Variants in SYT12 observed in about 807,000 individuals in gnomAD.
The protein encoded by SYT12 is synaptotagmin 12.
Under a neutral mutation model 39.5 loss-of-function variants are expected in SYT12, and 27 were observed. The observed-to-expected ratio is 0.68, with a 90% CI of 0.50 to 0.94. The LOEUF is 0.94. Among genes scored for constraint, SYT12 ranks in the 40% least tolerant of loss-of-function variants. SYT12 has a pLI of 0.00. For synonymous variants in SYT12, 233 were observed against 239.7 expected, an observed-to-expected ratio of 0.97 and a Z score of 0.26; for missense variants, 536 against 572.6, an observed-to-expected ratio of 0.94 and a Z score of 0.65.
Position 67,030,161 on chromosome 11 carries a change from C to T in SYT12, c.17C>T (p.Ala6Val), listed in dbSNP as rs764102965. 9.3e-6 allele frequency: 15 copies of T among 1,613,992 alleles called. No individual in the cohort carries two copies. In the African/African-American group the frequency reaches 1.7e-4, roughly 19 times the overall value. ...GCAGACATCATGGCTGTGGATGTGG[C>T]AGAATACCATCTGAGCGGTGAGTGC... is the stretch of plus-strand genomic sequence containing the variant. Reference protein sequence around the residue: MAVDVAEYHLSVIKSP... With the variant: MAVDVVEYHLSVIKSP... The change falls in exon 2 of 8, where the codon GCA becomes GTA. Residue 6 changes from alanine to valine, a missense_variant. Transcript: ENST00000527043.
chr11:67,035,774 CT>C (rs1234061674), intron 3 of SYT12, among the ~76,000 whole-genome samples: 1 of 147,576 alleles, frequency 6.8e-6, no homozygotes, highest in African/African-American at 2.6e-5. Context: ...TCTTTCTTTT[CT>C]TTTCTTTTCT....
intron 3 of SYT12, among the ~76,000 whole-genome samples, chr11:67,037,891 A>G (rs1178459235): frequency 6.6e-6 from 1 of 150,952 alleles, no homozygotes; most frequent in African/African-American, 2.4e-5. Flanking sequence ...CAGAAAAAAA[A>G]AAAAAGAAAA....
intron 3 of SYT12, among the ~76,000 whole-genome samples, chr11:67,035,458 C>CTTTTTTTTTTTTTTTTTTTTTT (rs1213047598): frequency 1.1e-5 from 1 of 90,238 alleles, no homozygotes; most frequent in Admixed American, 1.1e-4. Context: ...TTTTTCTTTT[C>CTTTTTTTTTTTTTTTTTTTTTT]TTTTTTTTTT....
At position 67,037,609 on chromosome 11, in the gene SYT12, C is replaced by G. The variant is rs577702054; in HGVS notation, c.229-2202C>G. The stretch of plus-strand genomic sequence containing the variant: ...ATAAAATTAGCTAGGTGTGGGTAGG[C>G]ACAGTGCTCATGCCTGTAATCTCAG... On this transcript the variant is annotated intron_variant, in intron 3 of 7. Transcript: ENST00000527043. Among the ~76,000 whole-genome samples, 25 of 151,490 alleles carry G rather than the reference C, an allele frequency of 1.7e-4. 1 individual carries two copies. Among genetic ancestry groups the G allele is most frequent in the Middle Eastern group, 6.8e-3 (2 of 294 alleles).
chr11:67,014,943 A>C (rs1196956951), intron 3 of SYT12, among the ~76,000 whole-genome samples: 5 of 151,776 alleles, frequency 3.3e-5, no homozygotes, highest in Non-Finnish European at 7.4e-5. Context: ...AAAAAAAATT[A>C]TTTTTCACAG....
chr11:67,016,908 C>T (rs1241072529), intron 3 of SYT12, among the ~76,000 whole-genome samples: 2 of 152,172 alleles, frequency 1.3e-5, no homozygotes, highest in Non-Finnish European at 2.9e-5. Context: ...ACAGCACCAG[C>T]GCTGTTGAGG....
In SYT12 at chr11:67,034,712, C is replaced by A; in HGVS notation, c.102C>A (p.Ile34=). Residue 34 remains isoleucine (I), a synonymous_variant, in exon 3 of 8, where the codon ATC becomes ATA. Transcript: ENST00000527043. ...CAGGGGCCCTGGCCCTGCTGGGAAT[C>A]GCAGCTGTGAGCCTGTGGAAGCTCT... ...YAAGALALLG[I]AAVSLWKLWT... is the part of the protein sequence containing the mutation. 3.1e-6 allele frequency: 5 copies of A among 1,602,100 alleles called. No homozygotes were observed. Among genetic ancestry groups the A allele is most frequent in the Non-Finnish European group, 4.3e-6 (5 of 1,175,552 alleles).
intron 3 of SYT12, among the ~76,000 whole-genome samples, chr11:67,037,046 C>A (rs1950395125): frequency 6.6e-6 from 1 of 152,152 alleles, no homozygotes; most frequent in Non-Finnish European, 1.5e-5. Context: ...GCACTCCAAG[C>A]CTGGGCAACA....
chr11:67,040,843 AAAT>A (rs1950500368), intron 4 of SYT12, among the ~76,000 whole-genome samples: 2 of 150,586 alleles, frequency 1.3e-5, no homozygotes, highest in Non-Finnish European at 3.0e-5. Flanking sequence ...GTCTCAAAAT[AAAT>A]AAATAAATAA....
intron 4 of SYT12, among the ~76,000 whole-genome samples, chr11:67,040,655 C>T (rs984417632): frequency 1.2e-4 from 18 of 151,030 alleles, no homozygotes; most frequent in Admixed American, 7.9e-4. Context: ...CTGCCTAACA[C>T]GGTGAAACCC....
intron 1 of SYT12, among the ~76,000 whole-genome samples, chr11:67,025,883 G>A (rs940597231): frequency 3.3e-5 from 5 of 152,070 alleles, no homozygotes; most frequent in African/African-American, 1.2e-4. Flanking sequence ...CACTGCTAAT[G>A]GAAGAGGGGC....
intron 2 of SYT12, chr11:67,030,996 T>TG (rs1950255927): frequency 6.6e-6 from 1 of 152,100 alleles, no homozygotes; most frequent in South Asian, 2.1e-4. Context: ...ACGCAGCCCC[T>TG]GGGGAGCCCA....
chr11:67,037,603 G>A lies in SYT12; in HGVS notation c.229-2208G>A, dbSNP rs914421632. 2.7e-5 allele frequency among the ~76,000 whole-genome samples: 4 copies of A among 150,492 alleles called. No homozygotes were observed. The South Asian group carries it at 8.3e-4, about 31-fold the overall frequency. Reference sequence around the variant, plus strand: ...AAATAAATAAAATTAGCTAGGTGTGGGTAGGCACAGTGCTCATGCCTGTAA... The same window carrying A: ...AAATAAATAAAATTAGCTAGGTGTGAGTAGGCACAGTGCTCATGCCTGTAA... On this transcript the variant is annotated intron_variant, in intron 3 of 7. Transcript: ENST00000527043.
upstream of SYT12, among the ~76,000 whole-genome samples, chr11:67,021,339 G>T (rs967687970): frequency 0.011 from 1,619 of 149,374 alleles, 36 homozygotes; most frequent in African/African-American, 0.037. Flanking sequence ...TTTTTTGTTT[G>T]TTTGAGATGG....
intron 3 of SYT12, among the ~76,000 whole-genome samples, chr11:67,013,073 TG>T (rs2136193986): frequency 6.6e-6 from 1 of 151,878 alleles, no homozygotes; most frequent in African/African-American, 2.4e-5. Context: ...GGAAGGAAAG[TG>T]GGTATAAGTG....
chr11:67,014,010 G>A (rs527431795), intron 3 of SYT12, among the ~76,000 whole-genome samples: 7 of 152,220 alleles, frequency 4.6e-5, no homozygotes, highest in Non-Finnish European at 8.8e-5. Context: ...CCCTGCCTCC[G>A]TCTCCACGTG....
In SYT12 at chr11:67,040,179, C is replaced by A; in HGVS notation, c.597C>A (p.Asp199Glu). Residue 199 changes from aspartate to glutamate, a missense_variant, in exon 4 of 8, where the codon GAC (aspartate) becomes GAA (glutamate). Asp to Glu is a conservative substitution (Grantham distance 45). Transcript: ENST00000527043. ...TCATGCGCGTCAGCCTGCTGCCGGA[C>A]GAGCAGATCGTGGGCATTTCTCGGG... ...SCFMRVSLLP[D>E]EQIVGISRIQ... The A allele has an allele frequency of 6.3e-7, 1 of 1,583,356 alleles. No individual in the cohort carries two copies. Among genetic ancestry groups the A allele is most frequent in the Non-Finnish European group, 8.6e-7 (1 of 1,161,412 alleles).
At chr11:67,017,490 G>A (rs912725351) in intron 3 of SYT12, among the ~76,000 whole-genome samples, 8 of 151,794 alleles carry the variant, frequency 5.3e-5, no homozygotes, top group African/African-American at 1.9e-4. Context: ...CTCCTGAGTA[G>A]CTGGGATTAC....
rs1006653250 is a variant in SYT12, at chr11:67,025,044, A to G, written c.-24+1584A>G. Among the ~76,000 whole-genome samples, 5 of 152,320 alleles carry G rather than the reference A, an allele frequency of 3.3e-5. No individual in the cohort carries two copies. The South Asian group carries it at 8.3e-4, about 25-fold the overall frequency. On this transcript the variant is annotated intron_variant, in intron 1 of 7. Transcript: ENST00000527043. Reference sequence around the variant, plus strand: ...GGGGCTCTTCCAACTCCCCACCCCAAAAGGCCTGCCTGTTCAGGAGTCAGC... The same window carrying G: ...GGGGCTCTTCCAACTCCCCACCCCAGAAGGCCTGCCTGTTCAGGAGTCAGC...
Sources: allele counts gnomAD v4.1 joint callset (sites outside exome capture counted in the v4.1 genomes callset), GRCh38; gene constraint gnomAD v4.1.1; transcripts MANE v1.5; gene names NCBI Gene and HGNC (gene_info 2026-07-23, HGNC 2026-07-21).